SORCS3: variants seen among roughly 807,000 people sequenced by gnomAD.
SORCS3 encodes the protein VPS10 domain-containing receptor SorCS3.
SORCS3 carries 57 observed loss-of-function variants against 146.3 expected under a neutral mutation model. That is an observed-to-expected ratio of 0.39 (90% CI 0.31 to 0.49). The LOEUF (loss-of-function observed/expected upper bound fraction) is 0.49. Among genes scored for constraint, SORCS3 ranks in the 20% least tolerant of loss-of-function variants. The probability of loss-of-function intolerance (pLI) is 0.92; values close to 1 mark genes in which losing one functional copy is unlikely to be tolerated. For missense variants in SORCS3, 1,341 were observed against 1,575.5 expected, an observed-to-expected ratio of 0.85 and a Z score of 2.52; for synonymous variants, 653 against 618.5, an observed-to-expected ratio of 1.06 and a Z score of -0.83.
chr10:104,987,755 A>C (rs2054970801), intron 4 of SORCS3, among the ~76,000 whole-genome samples: 1 of 152,150 alleles, frequency 6.6e-6, no homozygotes, highest in South Asian at 2.1e-4. Flanking sequence ...CCATAGGTAG[A>C]TGTTAAGGAA....
chr10:104,764,965 G>A (rs2133479346), intron 1 of SORCS3, among the ~76,000 whole-genome samples: 1 of 152,308 alleles, frequency 6.6e-6, no homozygotes, highest in Admixed American at 6.5e-5. Context: ...GAAGGCATGA[G>A]TGCTGTGATG....
At chr10:104,783,215 G>A (rs2017394598) in intron 1 of SORCS3, among the ~76,000 whole-genome samples, 2 of 152,106 alleles carry the variant, frequency 1.3e-5, no homozygotes, top group South Asian at 4.2e-4. Flanking sequence ...CTGTTTTGGT[G>A]TCCTCTTTCC....
At chr10:105,167,755 C>G (rs1277602090) in intron 13 of SORCS3, among the ~76,000 whole-genome samples, 1 of 152,012 alleles carries the variant, frequency 6.6e-6, no homozygotes, top group East Asian at 1.9e-4. Context: ...CAGAAATGGC[C>G]ATGAGTTGTC....
chr10:105,197,963 G>C (rs955112821), intron 14 of SORCS3, among the ~76,000 whole-genome samples: 2 of 152,134 alleles, frequency 1.3e-5, no homozygotes, highest in Non-Finnish European at 2.9e-5. Flanking sequence ...GAACCTTGCA[G>C]CGGACTACTC....
chr10:104,840,476 C>T (rs112552515), intron 1 of SORCS3, among the ~76,000 whole-genome samples: 2,664 of 152,274 alleles, frequency 0.017, 89 homozygotes, highest in African/African-American at 0.058. Flanking sequence ...TAGGAATTGC[C>T]TGCTCATTTC....
chr10:104,855,919 A>G (rs1191159871), intron 2 of SORCS3, among the ~76,000 whole-genome samples: 1 of 151,954 alleles, frequency 6.6e-6, no homozygotes, highest in Non-Finnish European at 1.5e-5. Context: ...ATTTTTTTGT[A>G]GAGATGGAGC....
intron 6 of SORCS3, among the ~76,000 whole-genome samples, chr10:105,104,172 G>A (rs2055805572): frequency 6.6e-6 from 1 of 152,090 alleles, no homozygotes; most frequent in Non-Finnish European, 1.5e-5. Context: ...GCACATACAA[G>A]GAAACAATTG....
At chr10:104,760,929 GT>G (rs796640464) in intron 1 of SORCS3, among the ~76,000 whole-genome samples, 1 of 144,094 alleles carries the variant, frequency 6.9e-6, no homozygotes, top group African/African-American at 2.6e-5. Flanking sequence ...TTCTCCATTT[GT>G]TTTATCGAAG....
rs560938441 is a variant in SORCS3 at position 104,959,828 on chromosome 10, C to T, written c.796-17507C>T. 2.4e-4 allele frequency among the ~76,000 whole-genome samples: 36 copies of T among 152,304 alleles called. No homozygotes were observed. The South Asian group carries it at 7.0e-3, about 30-fold the overall frequency. On this transcript the variant is annotated intron_variant, in intron 3 of 26. Coordinates refer to ENST00000369701, the MANE Select transcript of SORCS3 (RefSeq NM_014978.3). Reference sequence around the variant, plus strand: ...GCTTTGAACATCTGCCAACTCCTTGCACAGCCTGACTACTTATTGTTTTCA... The same window carrying T: ...GCTTTGAACATCTGCCAACTCCTTGTACAGCCTGACTACTTATTGTTTTCA...
intron 5 of SORCS3, among the ~76,000 whole-genome samples, chr10:105,070,674 G>A (rs916360849): frequency 3.9e-5 from 6 of 152,176 alleles, no homozygotes; most frequent in Admixed American, 1.3e-4. Flanking sequence ...GATGATCTCA[G>A]CAAAGCTGAC....
intron 1 of SORCS3, among the ~76,000 whole-genome samples, chr10:104,724,738 A>C (rs2016601316): frequency 6.6e-6 from 1 of 152,266 alleles, no homozygotes; most frequent in Middle Eastern, 3.4e-3. Context: ...ATCTTCCATC[A>C]CTGATACCCT....
At chr10:104,828,168 C>T (rs971265179) in intron 1 of SORCS3, among the ~76,000 whole-genome samples, 2 of 152,166 alleles carry the variant, frequency 1.3e-5, no homozygotes, top group African/African-American at 4.8e-5. Flanking sequence ...CAAACTCTGG[C>T]ACAAGAGACC....
chr10:104,983,771 C>T (rs1295543564), intron 4 of SORCS3, among the ~76,000 whole-genome samples: 1 of 151,934 alleles, frequency 6.6e-6, no homozygotes. Flanking sequence ...TTGCAAGTCC[C>T]TATGACCTTA....
Position 105,071,520 on chromosome 10 carries a change from A to T in SORCS3, c.1029-18255A>T, listed in dbSNP as rs910495476. ...TGCTCACAAAGCTCTCGTTTGTTAAATTTTTTTATTTTTATTTTTTGTGGG... is the reference window on the plus strand; with the variant it reads ...TGCTCACAAAGCTCTCGTTTGTTAATTTTTTTTATTTTTATTTTTTGTGGG... On this transcript the variant is annotated intron_variant, in intron 5 of 26. Transcript: ENST00000369701. Among the ~76,000 whole-genome samples, 4 of 152,112 alleles carry T rather than the reference A, an allele frequency of 2.6e-5. 1 individual carries two copies. Among genetic ancestry groups the T allele is most frequent in the Non-Finnish European group, 5.9e-5 (4 of 68,022 alleles).
intron 5 of SORCS3, among the ~76,000 whole-genome samples, chr10:105,049,620 A>G (rs908824123): frequency 3.3e-5 from 5 of 152,150 alleles, no homozygotes; most frequent in African/African-American, 1.2e-4. Flanking sequence ...GAAGTTTATC[A>G]TATCAAAATA....
chr10:104,887,395 A>G (rs2018699989), intron 2 of SORCS3, among the ~76,000 whole-genome samples: 1 of 152,184 alleles, frequency 6.6e-6, no homozygotes, highest in African/African-American at 2.4e-5. Context: ...GGAGACCTGG[A>G]GTCATTCAGT....
At chr10:104,868,252 T>C (rs1269879404) in intron 2 of SORCS3, among the ~76,000 whole-genome samples, 1 of 152,196 alleles carries the variant, frequency 6.6e-6, no homozygotes, top group Non-Finnish European at 1.5e-5. Context: ...CTATAGACTA[T>C]AAATTAAAAA....
intron 2 of SORCS3, among the ~76,000 whole-genome samples, chr10:104,850,672 C>T (rs2018265366): frequency 6.6e-6 from 1 of 152,196 alleles, no homozygotes; most frequent in Admixed American, 6.5e-5. Flanking sequence ...GGGTTCTAGG[C>T]CCACCTCTGT....
At chr10:105,242,462 ATATATT>A (rs1339458904) in intron 20 of SORCS3, among the ~76,000 whole-genome samples, 6 of 85,978 alleles carry the variant, frequency 7.0e-5, no homozygotes, top group African/African-American at 1.4e-4. Context: ...ATATATATTT[ATATATT>A]TATATATTTA....
Sources: allele counts gnomAD v4.1 joint callset (sites outside exome capture counted in the v4.1 genomes callset), GRCh38; gene constraint gnomAD v4.1.1; transcripts MANE v1.5; gene names NCBI Gene and HGNC (gene_info 2026-07-23, HGNC 2026-07-21).